Variants in LYST observed in about 807,000 individuals in gnomAD.
LYST encodes lysosomal-trafficking regulator.
LYST carries 192 observed loss-of-function variants against 413.6 expected under a neutral mutation model. The observed-to-expected ratio is 0.46, with a 90% CI of 0.41 to 0.52. LYST has a LOEUF of 0.52. Among genes scored for constraint, LYST ranks in the 20% least tolerant of loss-of-function variants. The probability of loss-of-function intolerance (pLI) is 0.00; values close to 1 mark genes in which losing one functional copy is unlikely to be tolerated. For missense variants in LYST, 3,815 were observed against 4,499.9 expected (o/e 0.85, Z 4.35); for synonymous variants, 1,525 against 1,567.3 (o/e 0.97, Z 0.64).
At position 235,743,987 on chromosome 1, in the gene LYST, C is replaced by T. The variant is rs202010795; in HGVS notation, c.8143G>A (p.Val2715Ile). The change falls in exon 30 of 53, where the codon GTA becomes ATA. Residue 2715 changes from valine to isoleucine, a missense_variant. By Grantham distance (29) the Val-to-Ile change is conservative (BLOSUM62 3). This residue lies in a region of LYST where 771 missense variants were observed against 837.1 expected (regional missense o/e 0.92). Transcript: ENST00000389793. ...IFTYLVEGFK[V>I]SIGSSKASGS... ...GTAATTAATTTACTTACAATAGATA[C>T]TTTGAATCCTTCTACCAGATATGTA... 103 of 1,435,366 alleles carry T rather than the reference C, an allele frequency of 7.2e-5. No individual in the cohort carries two copies. The highest frequency in any genetic ancestry group is 4.5e-4 in the South Asian group (39 of 87,236). 88.9% of individuals were successfully genotyped at this position (1,435,366 alleles called of 1,614,324 possible).
At chr1:235,715,575 T>C (rs1172763992) in intron 41 of LYST, among the ~76,000 whole-genome samples, 1 of 151,958 alleles carries the variant, frequency 6.6e-6, no homozygotes, top group East Asian at 1.9e-4. Context: ...CAGAAGCATT[T>C]CTCATCTCCA....
chr1:235,843,168 C>G (rs906561005), intron 1 of LYST, among the ~76,000 whole-genome samples: 9 of 150,318 alleles, frequency 6.0e-5, no homozygotes, highest in African/African-American at 2.3e-4. Context: ...TATCAAATAG[C>G]CAGTGGCCAC....
chr1:235,798,800 G>T (rs1671874414), intron 10 of LYST, among the ~76,000 whole-genome samples: 1 of 152,194 alleles, frequency 6.6e-6, no homozygotes, highest in South Asian at 2.1e-4. Context: ...AAGTAGATGA[G>T]TGATTGCCAG....
rs1663304169 is a variant in LYST, at chr1:235,720,923, GA to G, written c.9316-19del. 3.7e-6 allele frequency: 6 copies of G among 1,611,070 alleles called. No homozygotes were observed. The highest frequency in any genetic ancestry group is 1.1e-5 in the South Asian group (1 of 90,952). The stretch of plus-strand genomic sequence containing the variant: ...TCACGAACCTAAAAGGGAAGGAGAA[GA>G]AAAAAACCCAGATATTATTTTTAGT... On this transcript the variant is annotated intron_variant, in intron 39 of 52. Coordinates refer to ENST00000389793, the MANE Select transcript of LYST (RefSeq NM_000081.4).
At chr1:235,781,899 T>C (rs765327013) in intron 15 of LYST, 28 bp downstream of exon 15, 34 of 1,458,240 alleles carry the variant, frequency 2.3e-5, no homozygotes, top group Non-Finnish European at 3.0e-5. Context: ...CAGGCTGAAG[T>C]GCAGTGGTGC....
intron 3 of LYST, among the ~76,000 whole-genome samples, chr1:235,823,216 TC>T (rs561814031): frequency 1.1e-3 from 167 of 152,320 alleles, no homozygotes; most frequent in Non-Finnish European, 1.8e-3. Context: ...AGCACCACTG[TC>T]GAGTGGTTAA....
In LYST at chr1:235,707,402, G is replaced by C. The variant is rs528804356; in HGVS notation, c.10143+1689C>G. Among the ~76,000 whole-genome samples the C allele has an allele frequency of 2.0e-5, 3 of 152,242 alleles. No individual in the cohort carries two copies. The South Asian group carries it at 6.2e-4, about 32-fold the overall frequency. ...AGCACTTTGGGAGGCTGAGGTGGTG[G>C]ATCACGAGGTCAGGAGTTTGAGACC... On this transcript the variant is annotated intron_variant, in intron 44 of 52. Coordinates refer to ENST00000389793, the MANE Select transcript of LYST (RefSeq NM_000081.4).
At chr1:235,817,418 G>T (rs1014670357) in intron 3 of LYST, among the ~76,000 whole-genome samples, 1 of 152,044 alleles carries the variant, frequency 6.6e-6, no homozygotes. Context: ...AAAGACAAAC[G>T]TGTGCTTATG....
Position 235,762,808 on chromosome 1 carries a change from C to T in LYST, c.6165G>A (p.Leu2055=). ...FQEKVRSIMY[L]RHSSSGGRSL... The stretch of plus-strand genomic sequence containing the variant: ...ACCTTCCTCCACTGCTGGAATGCCT[C>T]AGGTACATGATTGACCGCACTTTCT... The change falls in exon 22 of 53, where the codon CTG becomes CTA. Residue 2055 remains leucine, a synonymous_variant. Transcript: ENST00000389793. The T allele has an allele frequency of 1.2e-6, 2 of 1,613,438 alleles. No individual in the cohort carries two copies. Among genetic ancestry groups the T allele is most frequent in the East Asian group, 2.2e-5 (1 of 44,830 alleles).
At chr1:235,842,250 A>G (rs1028026407) in intron 1 of LYST, among the ~76,000 whole-genome samples, 1 of 152,088 alleles carries the variant, frequency 6.6e-6, no homozygotes, top group African/African-American at 2.4e-5. Context: ...AAATGTTGAT[A>G]GACAAGCAGA....
At chr1:235,751,948 T>G in intron 27 of LYST, 57 bp downstream of exon 27, 1 of 1,203,460 alleles carries the variant, frequency 8.3e-7, no homozygotes, top group East Asian at 2.4e-5. Flanking sequence ...TGTGCTCAAA[T>G]AACAGGTTTG....
Position 235,757,419 on chromosome 1 carries a change from T to A in LYST, c.6921A>T (p.Leu2307Phe), listed in dbSNP as rs544394700. ...GAAGAACCCCACTTAGGAGTTCATA[T>A]AATCCACAGCATATAGGTACCAAAC... ...EDCLVPICCG[L>F]YELLSGVLLI... is the part of the protein sequence containing the mutation. Residue 2307 changes from leucine (L) to phenylalanine (F), a missense_variant, in exon 24 of 53, where the codon TTA (leucine) becomes TTT (phenylalanine). Physicochemically the swap from Leu to Phe is conservative, Grantham distance 22. Transcript: ENST00000389793. 4 of 1,613,624 alleles carry A rather than the reference T, an allele frequency of 2.5e-6. No individual in the cohort carries two copies. The highest frequency in any genetic ancestry group is 2.2e-5 in the South Asian group (2 of 91,076).
At chr1:235,780,527 AC>A (rs1475266418) in intron 16 of LYST, among the ~76,000 whole-genome samples, 1 of 152,130 alleles carries the variant, frequency 6.6e-6, no homozygotes, top group Non-Finnish European at 1.5e-5. Context: ...ATAATGAGCA[AC>A]ATTTTTTAGG....
intron 44 of LYST, among the ~76,000 whole-genome samples, chr1:235,708,153 T>C (rs1013208732): frequency 1.3e-5 from 2 of 151,844 alleles, no homozygotes; most frequent in African/African-American, 4.8e-5. Flanking sequence ...CCAAATAGCA[T>C]TATTATTATT....
chr1:235,859,986 T>C (rs917562617), intron 1 of LYST, among the ~76,000 whole-genome samples: 3 of 152,230 alleles, frequency 2.0e-5, no homozygotes, highest in Non-Finnish European at 1.5e-5. Context: ...TGGGTCTTAG[T>C]AATCAGTGCT....
At chr1:235,843,401 A>G (rs1034580157) in intron 1 of LYST, among the ~76,000 whole-genome samples, 2 of 152,218 alleles carry the variant, frequency 1.3e-5, no homozygotes, top group African/African-American at 4.8e-5. Flanking sequence ...CAGATCAGGA[A>G]TCTAGCAATT....
chr1:235,849,665 A>T (rs551752345), intron 1 of LYST, among the ~76,000 whole-genome samples: 1 of 152,020 alleles, frequency 6.6e-6, no homozygotes, highest in Non-Finnish European at 1.5e-5. Context: ...AGAATTCAAC[A>T]AAGTTTCTGG....
At chr1:235,806,855 G>C (rs1672901771) in intron 5 of LYST, 83 bp from the exon 6 acceptor site, 1 of 890,378 alleles carries the variant, frequency 1.1e-6, no homozygotes, top group Non-Finnish European at 1.8e-6. Flanking sequence ...TTAATATATC[G>C]CTATTGCATG....
Position 235,746,458 on chromosome 1 carries a change from T to C in LYST, c.7850A>G (p.Glu2617Gly). ...TCTCCGTTGCATCATCACATGAAGCTCATCATTTGCCACTGAACGCATTTT... is the reference window on the plus strand; with the variant it reads ...TCTCCGTTGCATCATCACATGAAGCCCATCATTTGCCACTGAACGCATTTT... ...LMKMRSVAND[E>G]LHVMMQRRMS... The change falls in exon 29 of 53, where the codon GAG (glutamate) becomes GGG (glycine). Residue 2617 changes from glutamate (E) to glycine (G), a missense_variant. By Grantham distance (98) the Glu-to-Gly change is moderately conservative. Transcript: ENST00000389793. 1 of 1,613,648 alleles carries C rather than the reference T, an allele frequency of 6.2e-7. No homozygotes were observed. Among genetic ancestry groups the C allele is most frequent in the Non-Finnish European group, 8.5e-7 (1 of 1,179,646 alleles).
Sources: gnomAD v4.1 joint callset for allele counts (sites outside exome capture counted in the v4.1 genomes callset) on GRCh38, gnomAD v4.1.1 for gene constraint, gnomAD v4.1.1 regional missense constraint, MANE v1.5 for transcripts, NCBI Gene and HGNC (gene_info 2026-07-23, HGNC 2026-07-21) for gene names.